Variants in ZNF705G observed in about 807,000 individuals in gnomAD.
The protein encoded by ZNF705G is putative zinc finger protein 705G.
ZNF705G carries 23 observed loss-of-function variants against 19.6 expected under a neutral mutation model. That is an observed-to-expected ratio of 1.17 (90% CI 0.84 to 1.66). ZNF705G has a LOEUF of 1.66. Among genes scored for constraint, ZNF705G ranks in the 40% most tolerant of loss-of-function variants. The pLI, the probability that ZNF705G is intolerant of heterozygous loss-of-function variation, is 0.00. For missense variants in ZNF705G, 457 were observed against 354.4 expected (o/e 1.29, Z -2.32); for synonymous variants, 146 against 117.7 (o/e 1.24, Z -1.56).
rs764911242 is a variant in ZNF705G at position 7,357,974 on chromosome 8, T to G, written c.*2A>C. The G allele has an allele frequency of 1.9e-6, 3 of 1,609,346 alleles. No individual in the cohort carries two copies. The highest frequency in any genetic ancestry group is 2.5e-6 in the Non-Finnish European group (3 of 1,179,760). On this transcript the variant is annotated 3_prime_UTR_variant, in exon 7 of 7. Coordinates refer to ENST00000400156, the MANE Select transcript of ZNF705G (RefSeq NM_001164457.3). ...CTTTTCTCCAGTGCGTGTTCTCTCA[T>G]GTCATCTAAGGTTGGAAGACAGACT...
chr8:7,370,281 AAAT>A (rs1362938089), intron 2 of ZNF705G, among the ~76,000 whole-genome samples: 1 of 148,740 alleles, frequency 6.7e-6, no homozygotes, highest in Non-Finnish European at 1.5e-5. Flanking sequence ...AAAAAAAAAA[AAAT>A]ATGCAAAGAT....
At chr8:7,380,915 G>T (rs1473436510) in intron 2 of ZNF705G, among the ~76,000 whole-genome samples, 3 of 137,852 alleles carry the variant, frequency 2.2e-5, no homozygotes, top group Non-Finnish European at 3.0e-5. Context: ...TACTCTGGAG[G>T]CTGAGGCAGG....
intron 6 of ZNF705G, 117 bp from the exon 7 acceptor site, chr8:7,358,677 C>G: frequency 2.7e-6 from 4 of 1,494,852 alleles, no homozygotes; most frequent in Non-Finnish European, 3.6e-6. Flanking sequence ...TGAAAGCTTT[C>G]CAATGTTTCT....
intron 2 of ZNF705G, among the ~76,000 whole-genome samples, chr8:7,380,790 G>A (rs1807455380): frequency 6.9e-6 from 1 of 145,722 alleles, no homozygotes; most frequent in Non-Finnish European, 1.5e-5. Flanking sequence ...AAGGCTGAGG[G>A]GGGCAGATCA....
In ZNF705G at chr8:7,360,322, T is replaced by A; in HGVS notation, c.150A>T (p.Ile50=). Residue 50 remains isoleucine, a synonymous_variant, in exon 5 of 7, where the codon ATA becomes ATT. Transcript: ENST00000400156. ...ISHLVSLGYQ[I]SKSYIILQLE... is the part of the protein sequence containing the mutation. ...GCTGCAAAATTATATAGGATTTGCT[T>A]ATCTGGTACCCTGTTAGTGGAAAGA... 1.3e-6 allele frequency: 2 copies of A among 1,589,056 alleles called. No homozygotes were observed. The highest frequency in any genetic ancestry group is 1.7e-6 in the Non-Finnish European group (2 of 1,178,406).
chr8:7,368,721 G>A (rs746323850), intron 2 of ZNF705G, among the ~76,000 whole-genome samples: 4 of 149,722 alleles, frequency 2.7e-5, no homozygotes, highest in Non-Finnish European at 4.4e-5. Context: ...TGGAGGCCTA[G>A]GAGGGAAGAA....
At position 7,357,222 on chromosome 8, in the gene ZNF705G, T is replaced by C. The variant is rs1459375785; in HGVS notation, c.*754A>G. On this transcript the variant is annotated 3_prime_UTR_variant, in exon 7 of 7. Coordinates refer to ENST00000400156, the MANE Select transcript of ZNF705G (RefSeq NM_001164457.3). ...TGCTCTATGAAGAAAGGATTTCTCATGATTTTTCATTGCATAACTTCTCCA... is the reference window on the plus strand; with the variant it reads ...TGCTCTATGAAGAAAGGATTTCTCACGATTTTTCATTGCATAACTTCTCCA... 1 of 150,960 alleles carries C rather than the reference T, an allele frequency of 6.6e-6. No individual in the cohort carries two copies. The allele number at this position is 150,960 out of a possible 1,614,324, so 9.4% of individuals were successfully genotyped here.
rs1806315090 is a variant in ZNF705G, at chr8:7,357,264, A to G, written c.*712T>C. 6.6e-6 allele frequency: 1 copy of G among 151,524 alleles called. No individual in the cohort carries two copies. The highest frequency in any genetic ancestry group is 1.5e-5 in the Non-Finnish European group (1 of 68,822). The allele number at this position is 151,524 out of a possible 1,614,324, so 9.4% of individuals were successfully genotyped here. A position where few individuals can be genotyped will look rare whatever the true frequency, so the allele number is the denominator to read the frequency against. On this transcript the variant is annotated 3_prime_UTR_variant, in exon 7 of 7. Coordinates refer to ENST00000400156, the MANE Select transcript of ZNF705G (RefSeq NM_001164457.3). ...ACTTCTCCAGTAAGAAGTATTTGGT[A>G]TTCCAAGAGAATTCATTGCCCTTGG...
rs1806207304 is a variant in ZNF705G, at chr8:7,355,991, TAGTA to T, written c.*1981_*1984del. The T allele has an allele frequency of 6.7e-6, 1 of 149,538 alleles. No homozygotes were observed. Among genetic ancestry groups the T allele is most frequent in the Admixed American group, 6.6e-5 (1 of 15,234 alleles). The allele number at this position is 149,538 out of a possible 1,614,324, so 9.3% of individuals were successfully genotyped here. A position where few individuals can be genotyped will look rare whatever the true frequency, so the allele number is the denominator to read the frequency against. On this transcript the variant is annotated 3_prime_UTR_variant, in exon 7 of 7. Coordinates refer to ENST00000400156, the MANE Select transcript of ZNF705G (RefSeq NM_001164457.3). ...AACCATGGATAAGGCCATTTAGCCT[TAGTA>T]AGGCCGATCGTATTAAGATTGTGCC...
chr8:7,383,800 G>A (rs1229662363), intron 1 of ZNF705G, among the ~76,000 whole-genome samples: 11 of 147,664 alleles, frequency 7.4e-5, no homozygotes, highest in South Asian at 4.2e-4. Flanking sequence ...CACCTATGCC[G>A]GTGTCTTGAT....
chr8:7,359,280 T>C (rs1806453623), intron 6 of ZNF705G, among the ~76,000 whole-genome samples: 1 of 149,802 alleles, frequency 6.7e-6, no homozygotes, highest in Non-Finnish European at 1.5e-5. Context: ...TTTTTCTCGA[T>C]TGACAATTGC....
chr8:7,356,468 A>C lies in ZNF705G; in HGVS notation c.*1508T>G, dbSNP rs1806256171. ...CCAGTTAACTGCCTAGAGACAGAGGAAAGGGCTGCGGACACCCAAATGCAT... is the reference window on the plus strand; with the variant it reads ...CCAGTTAACTGCCTAGAGACAGAGGCAAGGGCTGCGGACACCCAAATGCAT... On this transcript the variant is annotated 3_prime_UTR_variant, in exon 7 of 7. Coordinates refer to ENST00000400156, the MANE Select transcript of ZNF705G (RefSeq NM_001164457.3). 1 of 149,764 alleles carries C rather than the reference A, an allele frequency of 6.7e-6. No individual in the cohort carries two copies. The highest frequency in any genetic ancestry group is 1.5e-5 in the Non-Finnish European group (1 of 68,104). 9.3% of individuals were successfully genotyped at this position (149,764 alleles called of 1,614,324 possible).
rs1348672005 is a variant in ZNF705G at position 7,374,957 on chromosome 8, G to A, written c.-72+6495C>T. Among the ~76,000 whole-genome samples the A allele has an allele frequency of 9.6e-5, 9 of 94,152 alleles. 2 individuals are homozygous for A. The allele number at this position is 94,152 out of a possible 152,430, so 61.8% of individuals were successfully genotyped here. ...ACGAAAGATTTTTAAAATCCCTAAT[G>A]TTACTTGAATTCTTACAAATGAACA... On this transcript the variant is annotated intron_variant, in intron 2 of 6. Transcript: ENST00000400156.
At chr8:7,383,959 G>T (rs576909938) in intron 1 of ZNF705G, among the ~76,000 whole-genome samples, 1 of 140,794 alleles carries the variant, frequency 7.1e-6, no homozygotes. Flanking sequence ...GGAAACTCAG[G>T]GATGCATACC....
At chr8:7,368,244 C>A (rs1158972883) in intron 2 of ZNF705G, among the ~76,000 whole-genome samples, 1 of 149,550 alleles carries the variant, frequency 6.7e-6, no homozygotes, top group African/African-American at 2.6e-5. Flanking sequence ...AAAACCCTCA[C>A]ATAAAGTTGG....
intron 6 of ZNF705G, 125 bp downstream of exon 6, chr8:7,359,494 T>G (rs1426522148): frequency 7.3e-6 from 11 of 1,501,974 alleles, no homozygotes; most frequent in Non-Finnish European, 6.3e-6. Flanking sequence ...TCCAATTTTT[T>G]TTTTTTGCTT....
At chr8:7,363,156 G>T in intron 2 of ZNF705G, 139 bp from the exon 3 acceptor site, 4 of 1,201,004 alleles carry the variant, frequency 3.3e-6, no homozygotes, top group Non-Finnish European at 4.7e-6. Context: ...ACATGCAGAG[G>T]CCTCTCCTCT....
chr8:7,383,077 T>C (rs1340094926), intron 1 of ZNF705G, among the ~76,000 whole-genome samples: 3 of 148,920 alleles, frequency 2.0e-5, no homozygotes, highest in African/African-American at 7.8e-5. Context: ...GGAGAAGAAA[T>C]TCTGTAAATG....
In ZNF705G at chr8:7,379,607, G is replaced by A. The variant is rs1325918150; in HGVS notation, c.-72+1845C>T. On this transcript the variant is annotated intron_variant, in intron 2 of 6. Coordinates refer to ENST00000400156, the MANE Select transcript of ZNF705G (RefSeq NM_001164457.3). ...GAGGTATGGAAGGAAGGAAAATGAAGCAGCTGCCCAGCCAGAATCAGCTTA... is the reference window on the plus strand; with the variant it reads ...GAGGTATGGAAGGAAGGAAAATGAAACAGCTGCCCAGCCAGAATCAGCTTA... Among the ~76,000 whole-genome samples the A allele has an allele frequency of 9.5e-5, 14 of 147,168 alleles. 1 individual carries two copies. The highest frequency in any genetic ancestry group is 2.5e-4 in the African/African-American group (9 of 36,686).
Sources: gnomAD v4.1 joint callset for allele counts (sites outside exome capture counted in the v4.1 genomes callset) on GRCh38, gnomAD v4.1.1 for gene constraint, MANE v1.5 for transcripts, NCBI Gene and HGNC (gene_info 2026-07-23, HGNC 2026-07-21) for gene names.